CACNG2: variants seen among roughly 807,000 people sequenced by gnomAD.
CACNG2 encodes the protein voltage-dependent calcium channel gamma-2 subunit.
In CACNG2, 3 loss-of-function variants were observed where a neutral mutation model predicts 25.9. That is an observed-to-expected ratio of 0.12 (90% CI 0.05 to 0.30). The LOEUF is 0.30. Ranked by LOEUF, CACNG2 falls within the 10% of genes least tolerant of loss-of-function variation. The probability of loss-of-function intolerance (pLI) is 1.00; values close to 1 mark genes in which losing one functional copy is unlikely to be tolerated. For synonymous variants in CACNG2, 167 were observed against 173.3 expected (o/e 0.96, Z 0.29); for missense variants, 341 against 432.5 (o/e 0.79, Z 1.88).
At chr22:36,565,036 T>C (rs142806333) in intron 3 of CACNG2, 150 bp from the exon 4 acceptor site, 1 of 687,156 alleles carries the variant, frequency 1.5e-6, no homozygotes, top group Non-Finnish European at 2.6e-6. Context: ...GCGGTGTAGA[T>C]GGACATCCGC....
chr22:36,580,730 A>G (rs927820306), intron 2 of CACNG2, among the ~76,000 whole-genome samples: 9 of 152,166 alleles, frequency 5.9e-5, no homozygotes, highest in African/African-American at 2.2e-4. Flanking sequence ...GGCACACAGT[A>G]GGTGCTTAAT....
At chr22:36,629,685 C>CTTCATTCA (rs557166064) in intron 1 of CACNG2, among the ~76,000 whole-genome samples, 5 of 152,114 alleles carry the variant, frequency 3.3e-5, no homozygotes, top group East Asian at 3.9e-4. Context: ...TGTTCATTCA[C>CTTCATTCA]TTCATTCATT....
At chr22:36,617,370 G>A (rs946343330) in intron 1 of CACNG2, among the ~76,000 whole-genome samples, 4 of 152,072 alleles carry the variant, frequency 2.6e-5, no homozygotes, top group Non-Finnish European at 5.9e-5. Flanking sequence ...TAAAAGCATT[G>A]TATCAGTCAT....
intron 1 of CACNG2, among the ~76,000 whole-genome samples, chr22:36,622,068 AC>A (rs1286643766): frequency 6.6e-6 from 1 of 152,224 alleles, no homozygotes; most frequent in Non-Finnish European, 1.5e-5. Flanking sequence ...CAAAGAAGGC[AC>A]GGCTCTCATT....
At chr22:36,649,809 C>G (rs2096765094) in intron 1 of CACNG2, among the ~76,000 whole-genome samples, 2 of 152,202 alleles carry the variant, frequency 1.3e-5, no homozygotes, top group South Asian at 2.1e-4. Context: ...GCTGTCTTGC[C>G]TGCTGCCATG....
At chr22:36,566,527 C>T (rs1431350565) in intron 2 of CACNG2, 34 bp from the exon 3 acceptor site, 7 of 1,612,838 alleles carry the variant, frequency 4.3e-6, no homozygotes, top group African/African-American at 2.7e-5. Context: ...AGAAAGAGAA[C>T]GGCATGGCTG....
At chr22:36,680,042 C>G (rs537102160) in intron 1 of CACNG2, among the ~76,000 whole-genome samples, 2 of 151,266 alleles carry the variant, frequency 1.3e-5, no homozygotes, top group African/African-American at 4.9e-5. Context: ...ACTACCACCA[C>G]CATCAGCATC....
chr22:36,613,262 C>A (rs1246715217), intron 1 of CACNG2, among the ~76,000 whole-genome samples: 12 of 151,750 alleles, frequency 7.9e-5, no homozygotes, highest in African/African-American at 2.4e-4. Flanking sequence ...GTAAATGAAT[C>A]TTGGATTTCA....
Position 36,685,106 on chromosome 22 carries a change from G to A in CACNG2, c.211+17260C>T, listed in dbSNP as rs147626142. On this transcript the variant is annotated intron_variant, in intron 1 of 3. Coordinates refer to ENST00000300105, the MANE Select transcript of CACNG2 (RefSeq NM_006078.5). Reference sequence around the variant, plus strand: ...CTCAGTCCACAAATATCCATGCCCCGCCTGGTTTCTCTGTGTTCTCTGTGT... The same window carrying A: ...CTCAGTCCACAAATATCCATGCCCCACCTGGTTTCTCTGTGTTCTCTGTGT... 1.1e-4 allele frequency among the ~76,000 whole-genome samples: 16 copies of A among 152,246 alleles called. No individual in the cohort carries two copies. The East Asian group carries it at 2.5e-3, about 24-fold the overall frequency.
intron 1 of CACNG2, among the ~76,000 whole-genome samples, chr22:36,699,353 T>G (rs908186355): frequency 9.2e-5 from 14 of 152,130 alleles, no homozygotes; most frequent in Non-Finnish European, 1.8e-4. Flanking sequence ...CCCCTGTGCC[T>G]GTCTCTAACA....
chr22:36,588,968 C>T (rs148105435), intron 1 of CACNG2, among the ~76,000 whole-genome samples: 18 of 148,732 alleles, frequency 1.2e-4, no homozygotes, highest in South Asian at 4.2e-4. Context: ...AGGAATTTTA[C>T]GGTATTATTA....
At chr22:36,702,283 A>C in intron 1 of CACNG2, 83 bp downstream of exon 1, 1 of 772,714 alleles carries the variant, frequency 1.3e-6, no homozygotes, top group Non-Finnish European at 2.1e-6. Flanking sequence ...TGTAAAGGGG[A>C]CTTATTTGGA....
At chr22:36,658,986 G>A (rs1051590405) in intron 1 of CACNG2, among the ~76,000 whole-genome samples, 5 of 152,284 alleles carry the variant, frequency 3.3e-5, no homozygotes, top group Admixed American at 1.3e-4. Context: ...GTGGCTCTCC[G>A]AAGTGTATGT....
chr22:36,657,523 C>A (rs1175570343), intron 1 of CACNG2, among the ~76,000 whole-genome samples: 1 of 151,986 alleles, frequency 6.6e-6, no homozygotes, highest in Non-Finnish European at 1.5e-5. Context: ...CTGGAGGACA[C>A]GGGGGCCGGA....
intron 1 of CACNG2, among the ~76,000 whole-genome samples, chr22:36,614,445 G>A (rs77462920): frequency 0.019 from 2,829 of 152,186 alleles, 98 homozygotes; most frequent in African/African-American, 0.064. Flanking sequence ...ATGGCACCCC[G>A]CACTCTTTGG....
intron 1 of CACNG2, among the ~76,000 whole-genome samples, chr22:36,615,164 G>A (rs111335733): frequency 2.2e-4 from 34 of 152,182 alleles, no homozygotes; most frequent in Admixed American, 1.8e-3. Context: ...GAAGGTATTC[G>A]CAGCCATATG....
At chr22:36,571,248 G>A (rs575346068) in intron 2 of CACNG2, among the ~76,000 whole-genome samples, 1 of 152,152 alleles carries the variant, frequency 6.6e-6, no homozygotes, top group East Asian at 1.9e-4. Context: ...CATGAAGTCA[G>A]GAGTTCGAGA....
At chr22:36,661,602 G>C (rs1221371187) in intron 1 of CACNG2, among the ~76,000 whole-genome samples, 2 of 152,186 alleles carry the variant, frequency 1.3e-5, no homozygotes. Flanking sequence ...CTTGGTGAAG[G>C]GCCACAGCAT....
intron 3 of CACNG2, among the ~76,000 whole-genome samples, chr22:36,565,874 T>C (rs552811493): frequency 6.6e-6 from 1 of 152,340 alleles, no homozygotes; most frequent in African/African-American, 2.4e-5. Flanking sequence ...TCATCTGTCA[T>C]GTAACTGGGC....
Sources: allele counts gnomAD v4.1 joint callset (sites outside exome capture counted in the v4.1 genomes callset), GRCh38; gene constraint gnomAD v4.1.1; transcripts MANE v1.5; gene names NCBI Gene and HGNC (gene_info 2026-07-23, HGNC 2026-07-21).